The following CCSER1 variants were observed in gnomAD, a reference collection of about 807,000 sequenced individuals.
The protein encoded by CCSER1 is serine-rich coiled-coil domain-containing protein 1.
In CCSER1, 41 loss-of-function variants were observed where a neutral mutation model predicts 82.0. The ratio of observed to expected loss-of-function variants is 0.50; its 90% CI spans 0.39 to 0.65. The LOEUF (loss-of-function observed/expected upper bound fraction) is 0.65, where lower values mean the gene tolerates loss of function less well. Ranked by LOEUF, CCSER1 falls within the 30% of genes least tolerant of loss-of-function variation. CCSER1 has a pLI of 0.00. For synonymous variants in CCSER1, 414 were observed against 383.9 expected (o/e 1.08, Z -0.92); for missense variants, 1,119 against 1,064.2 (o/e 1.05, Z -0.72).
At chr4:91,108,370 C>T (rs1725821576) in intron 10 of CCSER1, among the ~76,000 whole-genome samples, 1 of 152,098 alleles carries the variant, frequency 6.6e-6, no homozygotes, top group South Asian at 2.1e-4. Flanking sequence ...AGAGTATCCT[C>T]TAAAATGGTT....
chr4:91,490,142 G>A (rs922451441), intron 10 of CCSER1, among the ~76,000 whole-genome samples: 3 of 152,224 alleles, frequency 2.0e-5, no homozygotes, highest in East Asian at 1.9e-4. Flanking sequence ...ACTATTGGTA[G>A]GAAAGTAAAT....
At chr4:91,422,621 G>C (rs1249580454) in intron 10 of CCSER1, among the ~76,000 whole-genome samples, 1 of 152,088 alleles carries the variant, frequency 6.6e-6, no homozygotes, top group Non-Finnish European at 1.5e-5. Flanking sequence ...AACTAATCAA[G>C]TAATTCTTAG....
At chr4:91,160,287 G>C (rs1418595809) in intron 10 of CCSER1, among the ~76,000 whole-genome samples, 1 of 152,116 alleles carries the variant, frequency 6.6e-6, no homozygotes, top group Non-Finnish European at 1.5e-5. Context: ...TCTTAATCCA[G>C]TCTGTAATTG....
chr4:91,338,775 A>G (rs1747494290), intron 10 of CCSER1, among the ~76,000 whole-genome samples: 1 of 152,190 alleles, frequency 6.6e-6, no homozygotes, highest in Non-Finnish European at 1.5e-5. Flanking sequence ...AAAATTTAAT[A>G]GCATATTTCC....
intron 9 of CCSER1, among the ~76,000 whole-genome samples, chr4:90,977,719 A>G (rs1042647037): frequency 6.6e-6 from 1 of 151,566 alleles, no homozygotes; most frequent in Non-Finnish European, 1.5e-5. Context: ...TATTGTAATC[A>G]TTTGTTTGTA....
chr4:90,845,287 G>T (rs557770888), intron 8 of CCSER1, among the ~76,000 whole-genome samples: 1 of 151,514 alleles, frequency 6.6e-6, no homozygotes, highest in African/African-American at 2.4e-5. Context: ...GCTAGAACCT[G>T]GGAGGCAGAG....
At chr4:90,517,377 A>T (rs1430843024) in intron 5 of CCSER1, among the ~76,000 whole-genome samples, 2 of 152,106 alleles carry the variant, frequency 1.3e-5, no homozygotes, top group East Asian at 3.9e-4. Flanking sequence ...AAATAACAGG[A>T]CTTGATTATA....
rs547010716 is a variant in CCSER1, at chr4:91,275,041, G to A, written c.2217+189047G>A. Among the ~76,000 whole-genome samples the A allele has an allele frequency of 6.3e-3, 955 of 152,082 alleles. 7 individuals are homozygous for A. The highest frequency in any genetic ancestry group is 8.8e-3 in the Non-Finnish European group (595 of 67,972). ...GAATGGTGTGAGCCCGGGAGGCAGA[G>A]CTTGCAGTGAGCCGAGATCGCGCCA... On this transcript the variant is annotated intron_variant, in intron 10 of 10. Coordinates refer to ENST00000509176, the MANE Select transcript of CCSER1 (RefSeq NM_001145065.2).
At chr4:91,379,550 C>A (rs1010024047) in intron 10 of CCSER1, among the ~76,000 whole-genome samples, 55 of 152,132 alleles carry the variant, frequency 3.6e-4, no homozygotes, top group African/African-American at 1.2e-3. Flanking sequence ...AGAGGTGTTT[C>A]TAGTACTCTC....
intron 10 of CCSER1, among the ~76,000 whole-genome samples, chr4:91,287,873 G>A (rs972189791): frequency 3.3e-5 from 5 of 151,686 alleles, no homozygotes; most frequent in African/African-American, 1.2e-4. Context: ...CCTGTGGAAG[G>A]CAAATTCTGA....
rs552099471 is a variant in CCSER1, at chr4:91,172,676, G to A, written c.2217+86682G>A. 3.9e-5 allele frequency among the ~76,000 whole-genome samples: 6 copies of A among 152,266 alleles called. No individual in the cohort carries two copies. The South Asian group carries it at 8.3e-4, about 21-fold the overall frequency. On this transcript the variant is annotated intron_variant, in intron 10 of 10. Coordinates refer to ENST00000509176, the MANE Select transcript of CCSER1 (RefSeq NM_001145065.2). ...CAGACACATAACACGCGAGGCAGAA[G>A]CAATATTTCTACACTTCCAGGCTAC...
Position 91,557,713 on chromosome 4 carries a change from T to C in CCSER1, c.2218-40859T>C, listed in dbSNP as rs761885429. On this transcript the variant is annotated intron_variant, in intron 10 of 10. Transcript: ENST00000509176. ...GGGCATTCATGAAGAAAATATAGTT[T>C]TTACAGGAGCCCAGAGTGAAAGTAA... is the stretch of plus-strand genomic sequence containing the variant. Among the ~76,000 whole-genome samples the C allele has an allele frequency of 3.0e-4, 46 of 151,394 alleles. 1 individual carries two copies. Among genetic ancestry groups the C allele is most frequent in the Non-Finnish European group, 4.7e-4 (32 of 67,494 alleles).
chr4:91,154,758 AG>A (rs771519750), intron 10 of CCSER1, among the ~76,000 whole-genome samples: 1 of 152,044 alleles, frequency 6.6e-6, no homozygotes, highest in Non-Finnish European at 1.5e-5. Context: ...AGAGCTTTAC[AG>A]AAAATTAAAA....
At chr4:90,426,561 A>G (rs1322007291) in intron 4 of CCSER1, among the ~76,000 whole-genome samples, 3 of 152,182 alleles carry the variant, frequency 2.0e-5, no homozygotes, top group African/African-American at 7.2e-5. Context: ...CTGAAAAACA[A>G]TAGAAGGTGG....
At chr4:90,268,396 A>C (rs1466226267) in intron 1 of CCSER1, among the ~76,000 whole-genome samples, 1 of 152,174 alleles carries the variant, frequency 6.6e-6, no homozygotes, top group African/African-American at 2.4e-5. Flanking sequence ...AAAAAGTGGG[A>C]ATACGAAGTT....
At chr4:91,246,885 TC>T (rs1739830009) in intron 10 of CCSER1, among the ~76,000 whole-genome samples, 1 of 148,444 alleles carries the variant, frequency 6.7e-6, no homozygotes. Context: ...ATGAAGAGAC[TC>T]AACAATATTT....
intron 5 of CCSER1, among the ~76,000 whole-genome samples, chr4:90,500,210 A>G (rs1297175074): frequency 6.6e-6 from 1 of 151,996 alleles, no homozygotes; most frequent in East Asian, 1.9e-4. Flanking sequence ...GCTCTTTAAT[A>G]TTATTTTGAA....
chr4:90,902,473 C>G (rs1258282846), intron 8 of CCSER1, among the ~76,000 whole-genome samples: 1 of 151,356 alleles, frequency 6.6e-6, no homozygotes, highest in African/African-American at 2.4e-5. Context: ...TTTTGTATTC[C>G]TTTCTCCCTT....
chr4:91,427,663 G>A (rs941980387), intron 10 of CCSER1, among the ~76,000 whole-genome samples: 2 of 152,016 alleles, frequency 1.3e-5, no homozygotes, highest in Non-Finnish European at 2.9e-5. Flanking sequence ...ATGGTTGTGA[G>A]GATTAACTTA....
Sources: allele counts gnomAD v4.1 joint callset (sites outside exome capture counted in the v4.1 genomes callset), GRCh38; gene constraint gnomAD v4.1.1; transcripts MANE v1.5; gene names NCBI Gene and HGNC (gene_info 2026-07-23, HGNC 2026-07-21).